Variants in KLHL1 observed in about 807,000 individuals in gnomAD.
KLHL1 encodes the protein kelch-like protein 1.
In KLHL1, 47 loss-of-function variants were observed where a neutral mutation model predicts 77.7. The observed-to-expected ratio is 0.60, with a 90% CI of 0.48 to 0.77. The LOEUF (loss-of-function observed/expected upper bound fraction) is 0.77. Ranked by LOEUF, KLHL1 falls within the 30% of genes least tolerant of loss-of-function variation. KLHL1 has a pLI of 0.00. For synonymous variants in KLHL1, 360 were observed against 325.2 expected (o/e 1.11, Z -1.15); for missense variants, 925 against 910.8 (o/e 1.02, Z -0.20).
At chr13:69,712,966 T>C (rs576642809) in intron 9 of KLHL1, among the ~76,000 whole-genome samples, 2 of 151,856 alleles carry the variant, frequency 1.3e-5, no homozygotes, top group African/African-American at 4.8e-5. Flanking sequence ...TGTGCCACCA[T>C]GCCTAGCTAA....
intron 9 of KLHL1, 27 bp downstream of exon 9, chr13:69,719,342 G>A (rs758719875): frequency 2.3e-5 from 36 of 1,583,962 alleles, no homozygotes; most frequent in East Asian, 4.5e-5. Flanking sequence ...TGTCTCTTTC[G>A]CTGTAACAGT....
chr13:70,099,280 G>A (rs1566574575), intron 1 of KLHL1, among the ~76,000 whole-genome samples: 1 of 151,246 alleles, frequency 6.6e-6, no homozygotes, highest in East Asian at 1.9e-4. Flanking sequence ...AATTTACATT[G>A]TAAAATTCTG....
At chr13:69,877,140 G>A (rs946089780) in intron 5 of KLHL1, among the ~76,000 whole-genome samples, 6 of 152,108 alleles carry the variant, frequency 3.9e-5, no homozygotes, top group Admixed American at 3.9e-4. Context: ...GAATTCCCCT[G>A]AGCACCTTTT....
chr13:69,903,257 A>C (rs1881932188), intron 4 of KLHL1, among the ~76,000 whole-genome samples: 1 of 152,188 alleles, frequency 6.6e-6, no homozygotes, highest in Admixed American at 6.5e-5. Context: ...GATAAACTGC[A>C]GCCAGAACCC....
chr13:70,063,675 G>T (rs1886943709), intron 1 of KLHL1, among the ~76,000 whole-genome samples: 1 of 151,654 alleles, frequency 6.6e-6, no homozygotes, highest in South Asian at 2.1e-4. Context: ...ATCCAAGAAA[G>T]AAAGAAAAAA....
chr13:69,931,003 G>A (rs1882987479), intron 4 of KLHL1, among the ~76,000 whole-genome samples: 2 of 148,206 alleles, frequency 1.3e-5, no homozygotes, highest in African/African-American at 5.2e-5. Context: ...ACATTTCATG[G>A]TATGTACTAT....
chr13:69,743,041 T>C (rs1264103658), intron 7 of KLHL1, among the ~76,000 whole-genome samples: 2 of 152,190 alleles, frequency 1.3e-5, no homozygotes, highest in Non-Finnish European at 2.9e-5. Flanking sequence ...AACTTTTTAC[T>C]GAGCACCAAT....
At chr13:69,991,334 CA>C (rs1188651507) in intron 1 of KLHL1, among the ~76,000 whole-genome samples, 1 of 151,194 alleles carries the variant, frequency 6.6e-6, no homozygotes, top group African/African-American at 2.4e-5. Context: ...TAGAGACACA[CA>C]AAAAAAGCAC....
chr13:69,763,579 T>A (rs1397422594), intron 7 of KLHL1, among the ~76,000 whole-genome samples: 1 of 152,220 alleles, frequency 6.6e-6, no homozygotes, highest in African/African-American at 2.4e-5. Flanking sequence ...CTTTAACCTA[T>A]GAATGATGTG....
chr13:69,993,534 C>T (rs1885077246), intron 1 of KLHL1, among the ~76,000 whole-genome samples: 1 of 152,030 alleles, frequency 6.6e-6, no homozygotes, highest in African/African-American at 2.4e-5. Flanking sequence ...TTTCCCATTC[C>T]CTTAATCATA....
Position 69,961,418 on chromosome 13 carries a change from T to C in KLHL1, c.707A>G (p.Tyr236Cys). ...HRLVLSSVSD[Y>C]FAAMFTSDVC... ...ATCACTTGTAAACATGGCCGCAAAA[T>C]AGTCGGAGACTGAACTCAGAACAAG... Residue 236 changes from tyrosine to cysteine, a missense_variant, in exon 3 of 11, where the codon TAT becomes TGT. Tyr to Cys is a radical substitution (Grantham distance 194, BLOSUM62 -2). Transcript: ENST00000377844. 2 of 1,612,954 alleles carry C rather than the reference T, an allele frequency of 1.2e-6. No homozygotes were observed. The highest frequency in any genetic ancestry group is 1.7e-6 in the Non-Finnish European group (2 of 1,179,336).
intron 1 of KLHL1, among the ~76,000 whole-genome samples, chr13:69,985,726 T>C (rs958186651): frequency 3.4e-5 from 5 of 148,848 alleles, no homozygotes; most frequent in Non-Finnish European, 1.5e-5. Context: ...AAATTGCTAA[T>C]CAGCCTAAGT....
At chr13:70,104,929 A>C (rs1239473918) in intron 1 of KLHL1, among the ~76,000 whole-genome samples, 1 of 152,108 alleles carries the variant, frequency 6.6e-6, no homozygotes, top group African/African-American at 2.4e-5. Context: ...ATATTAAAAT[A>C]TTATATACTG....
chr13:69,738,499 T>C (rs1380462176), intron 8 of KLHL1, among the ~76,000 whole-genome samples: 1 of 151,896 alleles, frequency 6.6e-6, no homozygotes, highest in Non-Finnish European at 1.5e-5. Flanking sequence ...CTAAGAACCA[T>C]GATAAAACAC....
At chr13:70,091,194 G>C (rs1161177940) in intron 1 of KLHL1, among the ~76,000 whole-genome samples, 2 of 151,754 alleles carry the variant, frequency 1.3e-5, no homozygotes, top group Admixed American at 1.3e-4. Context: ...TGATCTTTTG[G>C]GGTTTTGGGA....
At chr13:69,765,292 T>C (rs539645277) in intron 7 of KLHL1, among the ~76,000 whole-genome samples, 60 of 152,190 alleles carry the variant, frequency 3.9e-4, no homozygotes, top group African/African-American at 1.4e-3. Context: ...CTTAGTTCAT[T>C]AATACATTTA....
chr13:69,726,131 G>A (rs1873288444), intron 8 of KLHL1, among the ~76,000 whole-genome samples: 1 of 152,136 alleles, frequency 6.6e-6, no homozygotes, highest in South Asian at 2.1e-4. Flanking sequence ...AAAGTGCACA[G>A]AAAGCACTCC....
At chr13:69,950,161 A>T (rs1883661660) in intron 3 of KLHL1, among the ~76,000 whole-genome samples, 1 of 151,724 alleles carries the variant, frequency 6.6e-6, no homozygotes, top group Non-Finnish European at 1.5e-5. Flanking sequence ...AGGCTATGCA[A>T]AGAGCAGTTC....
chr13:70,020,301 T>C (rs1460603439), intron 1 of KLHL1, among the ~76,000 whole-genome samples: 1 of 152,138 alleles, frequency 6.6e-6, no homozygotes, highest in African/African-American at 2.4e-5. Context: ...CCAGAATGGT[T>C]CACTAGCAGA....
Sources: allele counts gnomAD v4.1 joint callset (sites outside exome capture counted in the v4.1 genomes callset), GRCh38; gene constraint gnomAD v4.1.1; transcripts MANE v1.5; gene names NCBI Gene and HGNC (gene_info 2026-07-23, HGNC 2026-07-21).